CTNND2: variants seen among roughly 807,000 people sequenced by gnomAD.
CTNND2 encodes the protein catenin delta 2.
In CTNND2, 22 loss-of-function variants were observed where a neutral mutation model predicts 144.4. The ratio of observed to expected loss-of-function variants is 0.15; its 90% CI spans 0.11 to 0.22. CTNND2 has a LOEUF of 0.22. Among genes scored for constraint, CTNND2 ranks in the 10% least tolerant of loss-of-function variants. CTNND2 has a pLI of 1.00. For missense variants in CTNND2, 1,353 were observed against 1,618.8 expected, an observed-to-expected ratio of 0.84 and a Z score of 2.82; for synonymous variants, 751 against 695.6, an observed-to-expected ratio of 1.08 and a Z score of -1.25.
rs550435515 is a variant in CTNND2 at position 11,884,459 on chromosome 5, T to C, written c.37+19358A>G. 3.3e-4 allele frequency among the ~76,000 whole-genome samples: 51 copies of C among 152,300 alleles called. No individual in the cohort carries two copies. In the East Asian group the frequency reaches 8.7e-3, roughly 26 times the overall value. On this transcript the variant is annotated intron_variant, in intron 1 of 21. Transcript: ENST00000304623. ...ATCCTTTCCCCTTTGCTTGTTTTTG[T>C]CAGGTTTGTCGAAGATCAGATGGTT...
chr5:11,375,934 T>C (rs1428747566), intron 7 of CTNND2, among the ~76,000 whole-genome samples: 2 of 152,100 alleles, frequency 1.3e-5, no homozygotes, highest in African/African-American at 4.8e-5. Flanking sequence ...CCCCCGATTA[T>C]GTTGAAAGCT....
In CTNND2 at chr5:10,973,408, T is replaced by TATGCATGCACATGCA; in HGVS notation, c.*30_*44dup. The TATGCATGCACATGCA allele has an allele frequency of 6.7e-7, 1 of 1,486,330 alleles. No homozygotes were observed. 92.1% of individuals were successfully genotyped at this position (1,486,330 alleles called of 1,614,324 possible). Reference sequence around the variant, plus strand: ...CAAAACAGAAAGAAATGTCTTGTGGTATGCATGCACATGCACTGTTCCCGG... The same window carrying TATGCATGCACATGCA: ...CAAAACAGAAAGAAATGTCTTGTGGTATGCATGCACATGCAATGCATGCACATGCACTGTTCCCGG... On this transcript the variant is annotated 3_prime_UTR_variant, in exon 22 of 22. Coordinates refer to ENST00000304623, the MANE Select transcript of CTNND2 (RefSeq NM_001332.4). The surrounding 1 kb of genome is among the most constrained non-coding windows in gnomAD (Gnocchi z 5.6).
intron 2 of CTNND2, among the ~76,000 whole-genome samples, chr5:11,692,412 T>C (rs1244055431): frequency 6.6e-6 from 1 of 152,236 alleles, no homozygotes; most frequent in Non-Finnish European, 1.5e-5. Flanking sequence ...GACAGGCTGC[T>C]GTCTGTGTTT....
In CTNND2 at chr5:11,654,939, T is replaced by G. The variant is rs528142486; in HGVS notation, c.174+77197A>C. Among the ~76,000 whole-genome samples the G allele has an allele frequency of 3.3e-5, 5 of 152,202 alleles. No homozygotes were observed. In the East Asian group the frequency reaches 9.7e-4, roughly 29 times the overall value. ...AGGTACATTTCTCTACCTAATTGGT[T>G]GGGAGTTTTTAATCATGAAAAGATG... On this transcript the variant is annotated intron_variant, in intron 2 of 21. Transcript: ENST00000304623.
At chr5:11,279,009 C>A (rs184304432) in intron 9 of CTNND2, among the ~76,000 whole-genome samples, 1 of 152,216 alleles carries the variant, frequency 6.6e-6, no homozygotes, top group Non-Finnish European at 1.5e-5. Flanking sequence ...AGTAGACTAG[C>A]GTATAGACTG....
At position 11,078,494 on chromosome 5, in the gene CTNND2, G is replaced by A. The variant is rs141952375; in HGVS notation, c.2788+4202C>T. Among the ~76,000 whole-genome samples the A allele has an allele frequency of 3.1e-3, 473 of 152,324 alleles. 2 individuals are homozygous for A. Among genetic ancestry groups the A allele is most frequent in the South Asian group, 9.5e-3 (46 of 4,828 alleles). On this transcript the variant is annotated intron_variant, in intron 16 of 21. Transcript: ENST00000304623. ...GTAAAGGTTTCGTTGAACACAGGCA[G>A]TATAGTGGTCTAAATATTCCTGTCT... is the stretch of plus-strand genomic sequence containing the variant.
chr5:11,607,385 A>G (rs1780105576), intron 2 of CTNND2, among the ~76,000 whole-genome samples: 1 of 152,192 alleles, frequency 6.6e-6, no homozygotes, highest in Non-Finnish European at 1.5e-5. Context: ...TGACATATAT[A>G]ATATTATCTC....
intron 9 of CTNND2, among the ~76,000 whole-genome samples, chr5:11,341,382 G>T (rs1580958712): frequency 1.3e-5 from 2 of 152,318 alleles, no homozygotes; most frequent in South Asian, 2.1e-4. Context: ...AGGCATTCAA[G>T]CAGGGGCTGA....
chr5:11,552,564 G>C (rs181270230), intron 3 of CTNND2, among the ~76,000 whole-genome samples: 9 of 152,214 alleles, frequency 5.9e-5, no homozygotes, highest in African/African-American at 2.2e-4. Flanking sequence ...AAGGCTCTTT[G>C]TGTGTCCTAA....
At chr5:11,787,760 T>G (rs1449162421) in intron 1 of CTNND2, among the ~76,000 whole-genome samples, 2 of 152,238 alleles carry the variant, frequency 1.3e-5, no homozygotes, top group Non-Finnish European at 2.9e-5. Context: ...TGGATTACTT[T>G]GTACAGTTAT....
chr5:11,551,366 G>A (rs1478569192), intron 3 of CTNND2, among the ~76,000 whole-genome samples: 1 of 149,778 alleles, frequency 6.7e-6, no homozygotes, highest in Non-Finnish European at 1.5e-5. Flanking sequence ...ACCACTTACT[G>A]GTTTTTTTTT....
chr5:11,383,611 T>G (rs1331190110), intron 7 of CTNND2, among the ~76,000 whole-genome samples: 2 of 152,234 alleles, frequency 1.3e-5, no homozygotes, highest in Non-Finnish European at 2.9e-5. Flanking sequence ...ATTACTGTGC[T>G]GAATTAAAGA....
At chr5:11,557,723 A>T (rs571085749) in intron 3 of CTNND2, among the ~76,000 whole-genome samples, 1 of 152,244 alleles carries the variant, frequency 6.6e-6, no homozygotes, top group African/African-American at 2.4e-5. Flanking sequence ...GCCCCTTCAT[A>T]TTTACATTCC....
At chr5:11,564,291 T>C (rs895469196) in intron 3 of CTNND2, among the ~76,000 whole-genome samples, 2 of 152,228 alleles carry the variant, frequency 1.3e-5, no homozygotes, top group African/African-American at 4.8e-5. Context: ...GCCTTATGTC[T>C]CTTTCACACA....
At chr5:11,833,244 A>G (rs1794000645) in intron 1 of CTNND2, among the ~76,000 whole-genome samples, 1 of 152,226 alleles carries the variant, frequency 6.6e-6, no homozygotes. Context: ...CATTAACTGG[A>G]GAGTGGATAA....
intron 1 of CTNND2, among the ~76,000 whole-genome samples, chr5:11,823,717 G>A (rs540383311): frequency 1.2e-4 from 19 of 152,140 alleles, no homozygotes; most frequent in Middle Eastern, 3.4e-3. Flanking sequence ...TAGGTACCAT[G>A]GTAATATCAT....
chr5:11,365,630 G>T (rs1756904002), intron 7 of CTNND2, among the ~76,000 whole-genome samples: 1 of 152,168 alleles, frequency 6.6e-6, no homozygotes, highest in Admixed American at 6.5e-5. Flanking sequence ...CATGATATGG[G>T]AAGAGGTGTT....
At position 11,478,952 on chromosome 5, in the gene CTNND2, T is replaced by C. The variant is rs537252071; in HGVS notation, c.288-66883A>G. On this transcript the variant is annotated intron_variant, in intron 3 of 21. Coordinates refer to ENST00000304623, the MANE Select transcript of CTNND2 (RefSeq NM_001332.4). ...AACAATAGCAACATTTAGAAACTACTAGAAAGGGTTCTATTATATTAAACA... is the reference window on the plus strand; with the variant it reads ...AACAATAGCAACATTTAGAAACTACCAGAAAGGGTTCTATTATATTAAACA... Among the ~76,000 whole-genome samples the C allele has an allele frequency of 3.3e-5, 5 of 152,312 alleles. No homozygotes were observed. The East Asian group carries it at 9.6e-4, about 29-fold the overall frequency.
At chr5:11,874,073 G>A (rs920999209) in intron 1 of CTNND2, among the ~76,000 whole-genome samples, 1 of 148,150 alleles carries the variant, frequency 6.7e-6, no homozygotes, top group Non-Finnish European at 1.5e-5. Context: ...CTTAGTTTGA[G>A]AGCAAAGAAA....
Sources: gnomAD v4.1 joint callset for allele counts (sites outside exome capture counted in the v4.1 genomes callset) on GRCh38, gnomAD v4.1.1 for gene constraint, Gnocchi (gnomAD v3.1) non-coding constraint, MANE v1.5 for transcripts, NCBI Gene and HGNC (gene_info 2026-07-23, HGNC 2026-07-21) for gene names.